Variants in ARNT2 observed in about 807,000 individuals in gnomAD.
ARNT2 encodes ARNT protein 2.
ARNT2 carries 36 observed loss-of-function variants against 91.7 expected under a neutral mutation model. That is an observed-to-expected ratio of 0.39 (90% CI 0.30 to 0.52). The LOEUF is 0.52. ARNT2 is among the 20% of genes least tolerant of loss of function. The probability of loss-of-function intolerance (pLI) is 0.72; values close to 1 mark genes in which losing one functional copy is unlikely to be tolerated. For synonymous variants in ARNT2, 365 were observed against 347.1 expected, an observed-to-expected ratio of 1.05 and a Z score of -0.57; for missense variants, 775 against 939.3, an observed-to-expected ratio of 0.83 and a Z score of 2.29.
In ARNT2 at chr15:80,459,213, G is replaced by A. The variant is rs569259384; in HGVS notation, c.194+1237G>A. On this transcript the variant is annotated intron_variant, in intron 3 of 18. Coordinates refer to ENST00000303329, the MANE Select transcript of ARNT2 (RefSeq NM_014862.4). ...AGCTTCTGCTTTGGTTGAAACAGTAGAGAGGAGATGGAGAACATTTTGGTC... is the reference window on the plus strand; with the variant it reads ...AGCTTCTGCTTTGGTTGAAACAGTAAAGAGGAGATGGAGAACATTTTGGTC... Among the ~76,000 whole-genome samples the A allele has an allele frequency of 2.0e-5, 3 of 152,308 alleles. No individual in the cohort carries two copies. In the East Asian group the frequency reaches 5.8e-4, roughly 29 times the overall value.
intron 18 of ARNT2, among the ~76,000 whole-genome samples, chr15:80,592,443 G>A (rs1893297089): frequency 2.0e-5 from 3 of 152,318 alleles, no homozygotes; most frequent in South Asian, 4.1e-4. Context: ...ACCCAGGCAC[G>A]TCCTGCATGC....
intron 1 of ARNT2, among the ~76,000 whole-genome samples, chr15:80,425,651 TG>T (rs1339932622): frequency 6.6e-6 from 1 of 152,174 alleles, no homozygotes; most frequent in Non-Finnish European, 1.5e-5. Context: ...TGTGCCATGA[TG>T]GTTTGCTGCA....
At chr15:80,461,573 G>A (rs1272169866) in intron 3 of ARNT2, among the ~76,000 whole-genome samples, 1 of 152,180 alleles carries the variant, frequency 6.6e-6, no homozygotes, top group Non-Finnish European at 1.5e-5. Context: ...AGGTCCAGTA[G>A]AGGAGGCCGA....
At chr15:80,496,070 A>G (rs979038289) in intron 5 of ARNT2, among the ~76,000 whole-genome samples, 5 of 152,302 alleles carry the variant, frequency 3.3e-5, no homozygotes, top group Middle Eastern at 6.8e-3. Flanking sequence ...CACTTTGCTT[A>G]GTACTGCAGC....
intron 7 of ARNT2, 84 bp from the exon 8 acceptor site, chr15:80,514,236 A>G: frequency 7.2e-7 from 1 of 1,394,012 alleles, no homozygotes; most frequent in South Asian, 1.2e-5. Context: ...AAGGGAACCC[A>G]GTAGCTTAGA....
chr15:80,573,884 C>T (rs1055280658), intron 12 of ARNT2, among the ~76,000 whole-genome samples: 3 of 152,132 alleles, frequency 2.0e-5, no homozygotes, highest in Admixed American at 6.5e-5. Context: ...ATTTGTTCTG[C>T]GGTATCTTTT....
intron 1 of ARNT2, among the ~76,000 whole-genome samples, chr15:80,435,289 G>T (rs1258179505): frequency 6.6e-6 from 1 of 152,204 alleles, no homozygotes; most frequent in Non-Finnish European, 1.5e-5. Context: ...GAGGCTGGCA[G>T]TACAGAGTAC....
At chr15:80,563,319 C>A in intron 12 of ARNT2, 80 bp downstream of exon 12, 1 of 1,552,248 alleles carries the variant, frequency 6.4e-7, no homozygotes, top group Non-Finnish European at 8.9e-7. Flanking sequence ...ATTTGGAGTT[C>A]TTTCTCCCTG....
intron 1 of ARNT2, among the ~76,000 whole-genome samples, chr15:80,420,506 T>A (rs976011377): frequency 6.6e-6 from 1 of 152,106 alleles, no homozygotes. Flanking sequence ...CATTTTTGAC[T>A]GAAGATATTT....
At chr15:80,481,089 G>A (rs1896879650) in intron 5 of ARNT2, among the ~76,000 whole-genome samples, 1 of 151,160 alleles carries the variant, frequency 6.6e-6, no homozygotes, top group African/African-American at 2.4e-5. Flanking sequence ...AAGGGATCTG[G>A]CTGGAAAGTT....
chr15:80,490,816 CTG>C (rs1358798611), intron 5 of ARNT2, among the ~76,000 whole-genome samples: 1 of 152,248 alleles, frequency 6.6e-6, no homozygotes, highest in East Asian at 1.9e-4. Flanking sequence ...ATGCATGAAA[CTG>C]TGGTCACCAT....
chr15:80,496,179 C>A (rs934867882), intron 5 of ARNT2, among the ~76,000 whole-genome samples: 3 of 151,962 alleles, frequency 2.0e-5, no homozygotes, highest in Non-Finnish European at 2.9e-5. Flanking sequence ...CCTCTCTTGA[C>A]AATATTATTT....
At chr15:80,513,843 G>A (rs1309413941) in intron 6 of ARNT2, 68 bp from the exon 7 acceptor site, 18 of 1,349,720 alleles carry the variant, frequency 1.3e-5, no homozygotes, top group Middle Eastern at 1.8e-4. Context: ...TCTACTTGAT[G>A]GCAGCACCAT....
chr15:80,468,414 C>G (rs1896688252), intron 3 of ARNT2, among the ~76,000 whole-genome samples: 1 of 152,182 alleles, frequency 6.6e-6, no homozygotes, highest in Non-Finnish European at 1.5e-5. Flanking sequence ...CCCAGCTTCT[C>G]TTGCTCCTCG....
At chr15:80,431,948 G>A (rs1163416318) in intron 1 of ARNT2, among the ~76,000 whole-genome samples, 5 of 152,178 alleles carry the variant, frequency 3.3e-5, no homozygotes, top group African/African-American at 7.2e-5. Flanking sequence ...TTCTGGGGTC[G>A]CTGCCCAGGG....
At chr15:80,592,345 C>T (rs577989429) in intron 18 of ARNT2, among the ~76,000 whole-genome samples, 33 of 152,338 alleles carry the variant, frequency 2.2e-4, no homozygotes, top group Middle Eastern at 3.4e-3. Context: ...CAACTTTCAG[C>T]CAGAAACATT....
chr15:80,446,802 C>A (rs947330290), intron 1 of ARNT2, among the ~76,000 whole-genome samples: 1 of 152,188 alleles, frequency 6.6e-6, no homozygotes. Flanking sequence ...TGTTCTTAAG[C>A]CAATCCGTCC....
chr15:80,518,611 A>T (rs1051142261), intron 8 of ARNT2, among the ~76,000 whole-genome samples: 1 of 151,988 alleles, frequency 6.6e-6, no homozygotes, highest in Non-Finnish European at 1.5e-5. Context: ...TCTTAAATAG[A>T]GTATGCCTTG....
rs138195798 is a variant in ARNT2 at position 80,534,861 on chromosome 15, G to A, written c.878-16338G>A. Among the ~76,000 whole-genome samples, 316 of 152,278 alleles carry A rather than the reference G, an allele frequency of 2.1e-3. 7 individuals carry two copies. The East Asian group carries it at 0.032, about 16-fold the overall frequency. On this transcript the variant is annotated intron_variant, in intron 8 of 18. Coordinates refer to ENST00000303329, the MANE Select transcript of ARNT2 (RefSeq NM_014862.4). ...TTTAAGTTTTGGTAGTTACCCTGCCGAACAGGATAGGTATACCTTTTTTCC... is the reference window on the plus strand; with the variant it reads ...TTTAAGTTTTGGTAGTTACCCTGCCAAACAGGATAGGTATACCTTTTTTCC...
Sources: gnomAD v4.1 joint callset for allele counts (sites outside exome capture counted in the v4.1 genomes callset) on GRCh38, gnomAD v4.1.1 for gene constraint, MANE v1.5 for transcripts, NCBI Gene and HGNC (gene_info 2026-07-23, HGNC 2026-07-21) for gene names.